The following SLC9C1 variants were observed in gnomAD, a reference collection of about 807,000 sequenced individuals.
SLC9C1 encodes the protein solute carrier family 9 member C1, also known as sodium/hydrogen exchanger 10.
In SLC9C1, 97 loss-of-function variants were observed where a neutral mutation model predicts 140.9. The observed-to-expected ratio is 0.69, with a 90% CI of 0.58 to 0.82. The LOEUF (loss-of-function observed/expected upper bound fraction) is 0.82. Ranked by LOEUF, SLC9C1 falls within the 40% of genes least tolerant of loss-of-function variation. The probability of loss-of-function intolerance (pLI) is 0.00; values close to 1 mark genes in which losing one functional copy is unlikely to be tolerated. For missense variants in SLC9C1, 1,340 were observed against 1,389.3 expected (o/e 0.96, Z 0.56); for synonymous variants, 440 against 442.6 (o/e 0.99, Z 0.07).
intron 20 of SLC9C1, among the ~76,000 whole-genome samples, chr3:112,191,230 C>T (rs988184091): frequency 1.6e-4 from 25 of 152,192 alleles, no homozygotes; most frequent in African/African-American, 5.8e-4. Flanking sequence ...GTCAGGACTT[C>T]CAGTACTATG....
At chr3:112,234,371 A>G (rs1427597641) in intron 12 of SLC9C1, among the ~76,000 whole-genome samples, 1 of 152,186 alleles carries the variant, frequency 6.6e-6, no homozygotes, top group East Asian at 1.9e-4. Flanking sequence ...TAGATTCTGG[A>G]TATTAGCCCT....
intron 16 of SLC9C1, among the ~76,000 whole-genome samples, chr3:112,207,870 AC>A (rs1274493725): frequency 6.6e-6 from 1 of 152,100 alleles, no homozygotes; most frequent in Non-Finnish European, 1.5e-5. Context: ...AATAAAATGA[AC>A]CTTCAAGTAC....
rs1356423755 is a variant in SLC9C1 at position 112,151,982 on chromosome 3, T to G, written c.3418-19A>C. ...CTCCATCCTGGGATTCAAAACACTT[T>G]GTTACTTGATGTCATGATAGGCCTT... On this transcript the variant is annotated intron_variant, in intron 27 of 28. Coordinates refer to ENST00000305815, the MANE Select transcript of SLC9C1 (RefSeq NM_183061.3). The G allele has an allele frequency of 1.9e-6, 3 of 1,559,738 alleles. No individual in the cohort carries two copies. The highest frequency in any genetic ancestry group is 2.6e-6 in the Non-Finnish European group (3 of 1,160,630).
chr3:112,239,364 T>C (rs1393474209), intron 12 of SLC9C1, among the ~76,000 whole-genome samples: 2 of 152,226 alleles, frequency 1.3e-5, no homozygotes, highest in African/African-American at 2.4e-5. Flanking sequence ...ACAGCTTTGC[T>C]TGGCTACGAA....
At chr3:112,182,916 G>T (rs960168679) in intron 20 of SLC9C1, among the ~76,000 whole-genome samples, 3 of 152,250 alleles carry the variant, frequency 2.0e-5, no homozygotes, top group Non-Finnish European at 4.4e-5. Flanking sequence ...GAGATTCATC[G>T]ATGGTGTTGC....
At position 112,286,693 on chromosome 3, in the gene SLC9C1, G is replaced by A. The variant is rs1329970759; in HGVS notation, c.88+11C>T. On this transcript the variant is annotated intron_variant, in intron 2 of 28. Coordinates refer to ENST00000305815, the MANE Select transcript of SLC9C1 (RefSeq NM_183061.3). ...AAGAATAAACTCAGATAAAGAGAGA[G>A]TGATACTTACCTCCAATGGAGCTGA... is the stretch of plus-strand genomic sequence containing the variant. 2.5e-6 allele frequency: 4 copies of A among 1,602,540 alleles called. No homozygotes were observed. The highest frequency in any genetic ancestry group is 1.7e-5 in the Admixed American group (1 of 58,858).
At chr3:112,192,583 G>C (rs2077686434) in intron 20 of SLC9C1, among the ~76,000 whole-genome samples, 1 of 151,824 alleles carries the variant, frequency 6.6e-6, no homozygotes, top group African/African-American at 2.4e-5. Context: ...TGGTCTGCCT[G>C]AGTTATTTCA....
chr3:112,221,279 A>T, intron 13 of SLC9C1, 54 bp from the exon 14 acceptor site: 1 of 1,448,640 alleles, frequency 6.9e-7, no homozygotes, highest in African/African-American at 1.4e-5. Flanking sequence ...ATGACAACTT[A>T]TTACAATCTT....
intron 23 of SLC9C1, 104 bp from the exon 24 acceptor site, chr3:112,169,432 G>A: frequency 2.8e-6 from 3 of 1,079,066 alleles, no homozygotes; most frequent in Non-Finnish European, 3.8e-6. Context: ...AATTTAATTA[G>A]GTAAGATTCA....
chr3:112,211,172 G>T (rs1192271728), intron 15 of SLC9C1, among the ~76,000 whole-genome samples: 1 of 152,148 alleles, frequency 6.6e-6, no homozygotes, highest in Non-Finnish European at 1.5e-5. Flanking sequence ...TTTTTAAAAA[G>T]AAATTTCATT....
chr3:112,191,203 C>T (rs2077654712), intron 20 of SLC9C1, among the ~76,000 whole-genome samples: 1 of 152,112 alleles, frequency 6.6e-6, no homozygotes, highest in African/African-American at 2.4e-5. Flanking sequence ...TATTTCTTCT[C>T]ATGCCTAACT....
intron 6 of SLC9C1, among the ~76,000 whole-genome samples, chr3:112,273,018 C>T (rs575281353): frequency 8.5e-5 from 13 of 152,124 alleles, no homozygotes; most frequent in Non-Finnish European, 1.2e-4. Flanking sequence ...CCTGAAAATC[C>T]GTGGTCAGTA....
At chr3:112,239,690 C>T in intron 12 of SLC9C1, 150 bp downstream of exon 12, 1 of 738,754 alleles carries the variant, frequency 1.4e-6, no homozygotes, top group Non-Finnish European at 2.1e-6. Context: ...CTTAACACTC[C>T]CCCTTACTAC....
chr3:112,163,400 T>C (rs2075365845), intron 26 of SLC9C1, among the ~76,000 whole-genome samples: 1 of 149,560 alleles, frequency 6.7e-6, no homozygotes, highest in Non-Finnish European at 1.5e-5. Context: ...CTTTCTCTTG[T>C]GGGCATTTAG....
At chr3:112,235,954 G>C (rs2078973207) in intron 12 of SLC9C1, among the ~76,000 whole-genome samples, 1 of 152,138 alleles carries the variant, frequency 6.6e-6, no homozygotes, top group African/African-American at 2.4e-5. Flanking sequence ...TCTCTGCCAG[G>C]CTTTGGTATC....
intron 26 of SLC9C1, among the ~76,000 whole-genome samples, chr3:112,166,726 C>G (rs1354913834): frequency 1.7e-4 from 26 of 151,762 alleles, no homozygotes; most frequent in Admixed American, 1.7e-3. Flanking sequence ...TCTCAAAATT[C>G]AATTTTTAAA....
In SLC9C1 at chr3:112,202,210, G is replaced by C. The variant is rs769284186; in HGVS notation, c.2322+40C>G. 6.2e-6 allele frequency: 10 copies of C among 1,604,192 alleles called. No homozygotes were observed. In the East Asian group the frequency reaches 1.3e-4, roughly 22 times the overall value. On this transcript the variant is annotated intron_variant, in intron 18 of 28. Coordinates refer to ENST00000305815, the MANE Select transcript of SLC9C1 (RefSeq NM_183061.3). ...AAATGATGGATGAGGGCAACTGAGGGCTGAGTGAACTCTTTTCTTAGGATT... is the reference window on the plus strand; with the variant it reads ...AAATGATGGATGAGGGCAACTGAGGCCTGAGTGAACTCTTTTCTTAGGATT...
intron 6 of SLC9C1, among the ~76,000 whole-genome samples, chr3:112,271,047 T>TA: frequency 6.6e-6 from 1 of 152,164 alleles, no homozygotes; most frequent in East Asian, 1.9e-4. Flanking sequence ...GAGGACATTA[T>TA]GCTAAGTGAA....
chr3:112,186,252 ATCCT>A (rs2077537836), intron 20 of SLC9C1, among the ~76,000 whole-genome samples: 4 of 60,376 alleles, frequency 6.6e-5, no homozygotes, highest in African/African-American at 2.2e-4. Flanking sequence ...CCAATTTGGT[ATCCT>A]ATTGAAATCT....
Sources: allele counts gnomAD v4.1 joint callset (sites outside exome capture counted in the v4.1 genomes callset), GRCh38; gene constraint gnomAD v4.1.1; transcripts MANE v1.5; gene names NCBI Gene and HGNC (gene_info 2026-07-23, HGNC 2026-07-21).